HDAC5: variants seen among roughly 807,000 people sequenced by gnomAD.
HDAC5 encodes the protein antigen NY-CO-9.
In HDAC5, 25 loss-of-function variants were observed where a neutral mutation model predicts 133.3. The ratio of observed to expected loss-of-function variants is 0.19; its 90% confidence interval spans 0.14 to 0.26. The LOEUF is 0.26. Among genes scored for constraint, HDAC5 ranks in the 10% least tolerant of loss-of-function variants. The probability of loss-of-function intolerance (pLI) is 1.00; values close to 1 mark genes in which losing one functional copy is unlikely to be tolerated. For synonymous variants in HDAC5, 589 were observed against 610.8 expected (o/e 0.96, Z 0.53); for missense variants, 1,041 against 1,460.5 (o/e 0.71, Z 4.68).
chr17:44,091,967 GAGCCATCA>G (rs2143262343), intron 9 of HDAC5, 136 bp from the exon 10 acceptor site: 1 of 1,100,608 alleles, frequency 9.1e-7, no homozygotes, highest in African/African-American at 1.6e-5. Context: ...GAGGGAGACT[GAGCCATCA>G]GGGCTCTTCA....
intron 3 of HDAC5, among the ~76,000 whole-genome samples, chr17:44,108,095 C>G (rs1223617709): frequency 6.6e-6 from 1 of 152,172 alleles, no homozygotes; most frequent in Non-Finnish European, 1.5e-5. Context: ...CCACTGTGCA[C>G]TGGGGAGCTG....
intron 3 of HDAC5, among the ~76,000 whole-genome samples, chr17:44,094,327 A>G (rs1020583020): frequency 3.3e-5 from 5 of 151,434 alleles, no homozygotes; most frequent in Non-Finnish European, 7.4e-5. Flanking sequence ...GTCTCCAGAA[A>G]AAAAAAAAAC....
chr17:44,109,989 T>G (rs2052235578), intron 3 of HDAC5, among the ~76,000 whole-genome samples: 1 of 152,208 alleles, frequency 6.6e-6, no homozygotes, highest in Non-Finnish European at 1.5e-5. Flanking sequence ...ACCCCACCCC[T>G]AGCCAAGAGC....
intron 3 of HDAC5, among the ~76,000 whole-genome samples, chr17:44,097,678 C>T (rs983882028): frequency 6.6e-6 from 1 of 152,274 alleles, no homozygotes; most frequent in African/African-American, 2.4e-5. Context: ...AATGGACAGC[C>T]GTCAACCTGC....
At chr17:44,119,175 A>G (rs2052834372) in intron 1 of HDAC5, among the ~76,000 whole-genome samples, 1 of 152,258 alleles carries the variant, frequency 6.6e-6, no homozygotes, top group Non-Finnish European at 1.5e-5. Context: ...GCTGAGGCCA[A>G]GCTCAGGAAT....
chr17:44,094,781 CAT>C (rs1033567609), intron 3 of HDAC5, among the ~76,000 whole-genome samples: 2 of 151,458 alleles, frequency 1.3e-5, no homozygotes, highest in African/African-American at 4.9e-5. Context: ...CACACACATA[CAT>C]ATGTGTGTGT....
chr17:44,110,964 A>C, intron 2 of HDAC5, 164 bp from the exon 3 acceptor site: 1 of 630,306 alleles, frequency 1.6e-6, no homozygotes, highest in Non-Finnish European at 2.9e-6. Context: ...CCCTCAGGCC[A>C]CTGCCGACGG....
intron 2 of HDAC5, among the ~76,000 whole-genome samples, chr17:44,114,932 A>G (rs2052563108): frequency 6.6e-6 from 1 of 152,322 alleles, no homozygotes; most frequent in African/African-American, 2.4e-5. Flanking sequence ...AGAGGTAAAT[A>G]AAGTCAAAGG....
intron 1 of HDAC5, among the ~76,000 whole-genome samples, chr17:44,121,875 G>C (rs1456147380): frequency 6.6e-6 from 1 of 152,132 alleles, no homozygotes; most frequent in Admixed American, 6.5e-5. Context: ...CCACACTTGA[G>C]ATCTGTCTCT....
chr17:44,099,665 G>A (rs974092482), intron 3 of HDAC5, among the ~76,000 whole-genome samples: 7 of 152,008 alleles, frequency 4.6e-5, no homozygotes, highest in African/African-American at 7.3e-5. Context: ...TAGTAGAGAC[G>A]GGGTTTCACC....
intron 3 of HDAC5, among the ~76,000 whole-genome samples, chr17:44,109,490 C>A (rs1483678810): frequency 6.6e-6 from 1 of 152,198 alleles, no homozygotes; most frequent in Non-Finnish European, 1.5e-5. Context: ...CAGGGTAATG[C>A]CCCTATCCTC....
At chr17:44,120,615 G>A (rs1233546945) in intron 1 of HDAC5, 1 of 152,068 alleles carries the variant, frequency 6.6e-6, no homozygotes, top group Non-Finnish European at 1.5e-5. Flanking sequence ...GGTGGCGCAT[G>A]CCTGTAATCA....
rs757722897 is a variant in HDAC5 at position 44,088,424 on chromosome 17, A to G, written c.1562T>C (p.Leu521Pro). ...LVMQQQHQQF[L>P]EKQKQQQLQL... ...TAGCTGCTGCTGCTTCTGCTTCTCC[A>G]GGAACTGCTGGTGCTGTTGTTGCAT... Residue 521 changes from leucine (L) to proline (P), a missense_variant, in exon 12 of 27, where the codon CTG becomes CCG. Leu to Pro is a moderately conservative substitution (Grantham distance 98, BLOSUM62 -3). Around this residue, in one of 9 missense-constraint regions of HDAC5, gnomAD observed 433 missense variants for 531.6 expected, o/e 0.81. Transcript: ENST00000682912. The G allele has an allele frequency of 6.4e-7, 1 of 1,573,042 alleles. No homozygotes were observed. Among genetic ancestry groups the G allele is most frequent in the South Asian group, 1.2e-5 (1 of 86,500 alleles).
intron 3 of HDAC5, among the ~76,000 whole-genome samples, chr17:44,098,317 T>C (rs1349684968): frequency 6.6e-6 from 1 of 152,104 alleles, no homozygotes; most frequent in African/African-American, 2.4e-5. Flanking sequence ...GAAGTGGTTG[T>C]GTCATGATAG....
chr17:44,091,279 G>T lies in HDAC5; in HGVS notation c.1378C>A (p.Leu460Ile). The part of the protein sequence containing the change: ...LLEQARQQST[L>I]IAVPLHGQSP... ...CTACCTGTCCACTCACCAGCAATGAGGGTGCTCTGCTGCCGGGCCTGCTCC... is the reference window on the plus strand; with the variant it reads ...CTACCTGTCCACTCACCAGCAATGATGGTGCTCTGCTGCCGGGCCTGCTCC... The change falls in exon 11 of 27, where the codon CTC becomes ATC. Residue 460 changes from leucine (L) to isoleucine (I), a missense_variant. Physicochemically the swap from Leu to Ile is conservative, Grantham distance 5. Coordinates refer to ENST00000682912, the MANE Select transcript of HDAC5 (RefSeq NM_005474.5). The T allele has an allele frequency of 6.2e-7, 1 of 1,610,556 alleles. No individual in the cohort carries two copies. The highest frequency in any genetic ancestry group is 1.1e-5 in the South Asian group (1 of 90,690).
chr17:44,120,848 C>T (rs1267645260), intron 1 of HDAC5, among the ~76,000 whole-genome samples: 1 of 152,032 alleles, frequency 6.6e-6, no homozygotes, highest in Admixed American at 6.6e-5. Flanking sequence ...CCACTTTCCT[C>T]AGCCTCTGAG....
At position 44,091,497 on chromosome 17, in the gene HDAC5, G is replaced by A; in HGVS notation, c.1165-5C>T. 1.3e-6 allele frequency: 2 copies of A among 1,546,736 alleles called. No individual in the cohort carries two copies. The highest frequency in any genetic ancestry group is 8.7e-7 in the Non-Finnish European group (1 of 1,150,608). On this transcript the variant is annotated splice_region_variant and splice_polypyrimidine_tract_variant and intron_variant, in intron 10 of 26. Transcript: ENST00000682912. ...TGTCGACAGCTTCGGGGAGGCCTGG[G>A]GGGTGAAGGGAGGGGCTTATACAGC...
At chr17:44,091,882 A>G in intron 9 of HDAC5, 51 bp from the exon 10 acceptor site, 1 of 1,508,900 alleles carries the variant, frequency 6.6e-7, no homozygotes, top group Non-Finnish European at 8.9e-7. Context: ...AGGGGAGGCA[A>G]CAAGGGAGGG....
intron 14 of HDAC5, 174 bp from the exon 15 acceptor site, chr17:44,085,329 T>C: frequency 1.2e-5 from 5 of 425,310 alleles, no homozygotes; most frequent in Admixed American, 3.9e-5. Context: ...TCTCCAGCTT[T>C]TTTTTTTTTT....
Sources: allele counts gnomAD v4.1 joint callset (sites outside exome capture counted in the v4.1 genomes callset), GRCh38; gene constraint gnomAD v4.1.1; regional missense constraint gnomAD v4.1.1; transcripts MANE v1.5; gene names NCBI Gene and HGNC (gene_info 2026-07-23, HGNC 2026-07-21).